Variants in L3MBTL4 observed in about 807,000 individuals in gnomAD.
The protein encoded by L3MBTL4 is lethal(3)malignant brain tumor-like protein 4.
In L3MBTL4, 70 loss-of-function variants were observed where a neutral mutation model predicts 84.5. That is an observed-to-expected ratio of 0.83 (90% CI 0.68 to 1.01). The LOEUF is 1.01. Ranked by LOEUF, L3MBTL4 falls within the 50% of genes least tolerant of loss-of-function variation. The pLI is 0.00. For synonymous variants in L3MBTL4, 274 were observed against 259.8 expected, an observed-to-expected ratio of 1.05 and a Z score of -0.52; for missense variants, 715 against 754.8, an observed-to-expected ratio of 0.95 and a Z score of 0.62.
intron 5 of L3MBTL4, among the ~76,000 whole-genome samples, chr18:6,261,711 C>T (rs2146353182): frequency 6.6e-6 from 1 of 152,196 alleles, no homozygotes; most frequent in East Asian, 1.9e-4. Flanking sequence ...TAGTTAACAC[C>T]AGGTCATAAG....
intron 4 of L3MBTL4, among the ~76,000 whole-genome samples, chr18:6,264,868 A>AG (rs2048561418): frequency 6.6e-6 from 1 of 152,382 alleles, no homozygotes; most frequent in Admixed American, 6.5e-5. Flanking sequence ...GACACGCCCA[A>AG]GGGGCAAAAC....
chr18:5,979,224 G>A (rs1182554385), intron 16 of L3MBTL4, among the ~76,000 whole-genome samples: 1 of 152,114 alleles, frequency 6.6e-6, no homozygotes, highest in Non-Finnish European at 1.5e-5. Flanking sequence ...CGACCCCTGG[G>A]CACACCATTT....
In L3MBTL4 at chr18:6,371,884, CATGAGGCTCTCCACA is replaced by C. The variant is rs2054173231; in HGVS notation, c.-91+42902_-91+42916del. ...TCACCATAAAGACATACATGAATTCCATGAGGCTCTCCACAATAGCCTCTCTTCAATGTCTACCTT... is the reference window on the plus strand; with the variant it reads ...TCACCATAAAGACATACATGAATTCCATAGCCTCTCTTCAATGTCTACCTT... On this transcript the variant is annotated intron_variant, in intron 1 of 18. Coordinates refer to ENST00000317931, the MANE Select transcript of L3MBTL4 (RefSeq NM_001330559.2). Among the ~76,000 whole-genome samples the C allele has an allele frequency of 3.9e-5, 6 of 152,324 alleles. No homozygotes were observed. The South Asian group carries it at 1.2e-3, about 32-fold the overall frequency.
chr18:6,038,922 G>T (rs983789444), intron 16 of L3MBTL4, among the ~76,000 whole-genome samples: 3 of 151,828 alleles, frequency 2.0e-5, no homozygotes, highest in African/African-American at 7.3e-5. Context: ...GGTTATATGG[G>T]GTCATAAGGG....
In L3MBTL4 at chr18:6,317,232, TA is replaced by T. The variant is rs1201495931; in HGVS notation, c.-90-5177del. Among the ~76,000 whole-genome samples the T allele has an allele frequency of 3.3e-5, 5 of 151,908 alleles. No homozygotes were observed. The East Asian group carries it at 9.6e-4, about 29-fold the overall frequency. On this transcript the variant is annotated intron_variant, in intron 1 of 18. Coordinates refer to ENST00000317931, the MANE Select transcript of L3MBTL4 (RefSeq NM_001330559.2). ...CACTAAGAGCCAAATTAGGCTATAA[TA>T]AACTATAAACATGTAAGTCACATCC...
rs114718838 is a variant in L3MBTL4, at chr18:6,239,893, G to T, written c.553-21C>A. On this transcript the variant is annotated intron_variant, in intron 8 of 18. Coordinates refer to ENST00000317931, the MANE Select transcript of L3MBTL4 (RefSeq NM_001330559.2). ...CCATTCTAACGCAGCACCAGCAGGG[G>T]AAGAAGCACAAAAAGAAACAGGACA... The T allele has an allele frequency of 1.1e-5, 17 of 1,613,348 alleles. No homozygotes were observed. In the Admixed American group the frequency reaches 2.8e-4, roughly 27 times the overall value.
Position 6,241,405 on chromosome 18 carries a change from A to C in L3MBTL4, c.505T>G (p.Cys169Gly). 3 of 1,605,488 alleles carry C rather than the reference A, an allele frequency of 1.9e-6. No individual in the cohort carries two copies. The highest frequency in any genetic ancestry group is 2.6e-6 in the Non-Finnish European group (3 of 1,174,944). ...TTCTTTGGAGCATTTTGCAATTTGCAGGCCTTCAAGTAATCCATCCAAACA... is the reference window on the plus strand; with the variant it reads ...TTCTTTGGAGCATTTTGCAATTTGCCGGCCTTCAAGTAATCCATCCAAACA... ...KFVWMDYLKA[C>G]KLQNAPKKLF... The change falls in exon 8 of 19, where the codon TGC (cysteine) becomes GGC (glycine). Residue 169 changes from cysteine (C) to glycine (G), a missense_variant. Cys to Gly is a radical substitution (Grantham distance 159). Transcript: ENST00000317931.
At chr18:6,272,443 G>C in intron 4 of L3MBTL4, among the ~76,000 whole-genome samples, 1 of 142,864 alleles carries the variant, frequency 7.0e-6, no homozygotes, top group Non-Finnish European at 1.5e-5. Context: ...AAGGAACACA[G>C]AACAGTTCTG....
At chr18:6,233,730 G>A (rs1167969375) in intron 10 of L3MBTL4, among the ~76,000 whole-genome samples, 1 of 152,078 alleles carries the variant, frequency 6.6e-6, no homozygotes, top group African/African-American at 2.4e-5. Context: ...TCGTGAAAAT[G>A]GCCATACTGC....
chr18:6,345,380 A>C (rs1163885551), intron 1 of L3MBTL4, among the ~76,000 whole-genome samples: 1 of 152,040 alleles, frequency 6.6e-6, no homozygotes, highest in African/African-American at 2.4e-5. Context: ...CTGGCAACAG[A>C]GTAAGACTCC....
chr18:6,391,205 A>G (rs2055036188), intron 1 of L3MBTL4, among the ~76,000 whole-genome samples: 1 of 152,236 alleles, frequency 6.6e-6, no homozygotes, highest in Non-Finnish European at 1.5e-5. Flanking sequence ...AATGTGACAC[A>G]TCACACAAAC....
intron 1 of L3MBTL4, among the ~76,000 whole-genome samples, chr18:6,317,661 A>C (rs2051177763): frequency 6.6e-6 from 1 of 152,190 alleles, no homozygotes; most frequent in African/African-American, 2.4e-5. Context: ...GAGAAAACAA[A>C]ATGTTTAGAA....
At position 6,311,628 on chromosome 18, in the gene L3MBTL4, C is replaced by A. The variant is rs1024319241; in HGVS notation, c.-3G>T. The A allele has an allele frequency of 1.2e-6, 2 of 1,612,906 alleles. No homozygotes were observed. The highest frequency in any genetic ancestry group is 1.3e-5 in the African/African-American group (1 of 74,852). ...CTTTTCCTGTTGGGCTGTTTCATTG[C>A]CACCCCCGCACTCCTTGGCAGTGGT... On this transcript the variant is annotated 5_prime_UTR_variant, in exon 3 of 19. Coordinates refer to ENST00000317931, the MANE Select transcript of L3MBTL4 (RefSeq NM_001330559.2).
At chr18:6,302,739 C>G (rs1007210535) in intron 3 of L3MBTL4, among the ~76,000 whole-genome samples, 1 of 152,182 alleles carries the variant, frequency 6.6e-6, no homozygotes, top group Non-Finnish European at 1.5e-5. Flanking sequence ...AATCCCAGCA[C>G]TTTGGGAGGC....
At chr18:6,394,163 G>T (rs168179) in intron 1 of L3MBTL4, among the ~76,000 whole-genome samples, 78,662 of 152,046 alleles carry the variant, frequency 0.52, 20,420 homozygotes, top group East Asian at 0.59. Flanking sequence ...ATAACATTTA[G>T]CACCTTTTAA....
chr18:6,146,993 T>C (rs1315868146), intron 13 of L3MBTL4, among the ~76,000 whole-genome samples: 1 of 151,738 alleles, frequency 6.6e-6, no homozygotes, highest in Non-Finnish European at 1.5e-5. Context: ...ATGTTCTCGG[T>C]GAAACAGGCA....
chr18:6,147,547 C>G (rs2042708887), intron 13 of L3MBTL4, among the ~76,000 whole-genome samples: 1 of 152,092 alleles, frequency 6.6e-6, no homozygotes, highest in Non-Finnish European at 1.5e-5. Context: ...ACTTGACAAT[C>G]TAGAAAAATC....
At chr18:6,329,421 C>T (rs533919368) in intron 1 of L3MBTL4, among the ~76,000 whole-genome samples, 1 of 152,024 alleles carries the variant, frequency 6.6e-6, no homozygotes, top group East Asian at 1.9e-4. Context: ...CCAAAGTGCT[C>T]GGATTACAGG....
chr18:6,255,875 A>C (rs558630439), intron 5 of L3MBTL4, among the ~76,000 whole-genome samples: 1 of 152,326 alleles, frequency 6.6e-6, no homozygotes, highest in African/African-American at 2.4e-5. Context: ...CAAGCATATC[A>C]GAATGCATAA....
Sources: gnomAD v4.1 joint callset for allele counts (sites outside exome capture counted in the v4.1 genomes callset) on GRCh38, gnomAD v4.1.1 for gene constraint, MANE v1.5 for transcripts, NCBI Gene and HGNC (gene_info 2026-07-23, HGNC 2026-07-21) for gene names.